AP3B1: variants seen among roughly 807,000 people sequenced by gnomAD.
The protein encoded by AP3B1 is AP-3 complex subunit beta-1.
AP3B1 carries 61 observed loss-of-function variants against 132.5 expected under a neutral mutation model. The observed-to-expected ratio is 0.46, with a 90% CI of 0.37 to 0.57. The LOEUF (loss-of-function observed/expected upper bound fraction) is 0.57. AP3B1 is among the 20% of genes least tolerant of loss of function. The probability of loss-of-function intolerance (pLI) is 0.00; values close to 1 mark genes in which losing one functional copy is unlikely to be tolerated. For missense variants in AP3B1, 1,120 were observed against 1,289.4 expected, an observed-to-expected ratio of 0.87 and a Z score of 2.01; for synonymous variants, 388 against 438.3, an observed-to-expected ratio of 0.89 and a Z score of 1.43.
intron 22 of AP3B1, among the ~76,000 whole-genome samples, chr5:78,049,685 C>T (rs1424801839): frequency 6.6e-6 from 1 of 152,180 alleles, no homozygotes; most frequent in East Asian, 1.9e-4. Context: ...GCCACCACCA[C>T]CTATCATCTG....
At chr5:78,135,100 A>G (rs920832530) in intron 15 of AP3B1, among the ~76,000 whole-genome samples, 1 of 152,192 alleles carries the variant, frequency 6.6e-6, no homozygotes, top group African/African-American at 2.4e-5. Context: ...ATTTCTCCAA[A>G]GACCTGAATC....
intron 1 of AP3B1, among the ~76,000 whole-genome samples, chr5:78,283,821 G>A (rs959470700): frequency 5.6e-5 from 8 of 143,124 alleles, no homozygotes; most frequent in Non-Finnish European, 1.1e-4. Context: ...TGTAGCCAAG[G>A]TGATCTTTTT....
At chr5:78,146,614 T>C (rs1198536022) in intron 14 of AP3B1, among the ~76,000 whole-genome samples, 3 of 152,328 alleles carry the variant, frequency 2.0e-5, no homozygotes, top group Admixed American at 6.5e-5. Context: ...TTTCAACTCA[T>C]ATATATTTTT....
At chr5:78,036,587 TA>T (rs922205831) in intron 23 of AP3B1, among the ~76,000 whole-genome samples, 6 of 151,824 alleles carry the variant, frequency 4.0e-5, no homozygotes, top group Non-Finnish European at 7.4e-5. Flanking sequence ...CTTTGTGTCT[TA>T]AAAAAAACCC....
chr5:78,258,477 A>G lies in AP3B1; in HGVS notation c.204+9043T>C, dbSNP rs1747941624. Among the ~76,000 whole-genome samples the G allele has an allele frequency of 2.0e-5, 3 of 152,342 alleles. 1 individual carries two copies. In the South Asian group the frequency reaches 6.2e-4, roughly 32 times the overall value. On this transcript the variant is annotated intron_variant, in intron 2 of 26. Coordinates refer to ENST00000255194, the MANE Select transcript of AP3B1 (RefSeq NM_003664.5). ...CATCAAAGAAATGCAAATCTAAACT[A>G]TAATGAGTTATCATCTCACCCCAGT...
At chr5:78,051,465 G>C (rs977584065) in intron 22 of AP3B1, among the ~76,000 whole-genome samples, 2 of 151,756 alleles carry the variant, frequency 1.3e-5, no homozygotes, top group Non-Finnish European at 2.9e-5. Flanking sequence ...AACTTCTTTT[G>C]AACATAGCTG....
At chr5:78,173,866 G>A (rs1296839235) in intron 11 of AP3B1, among the ~76,000 whole-genome samples, 4 of 152,044 alleles carry the variant, frequency 2.6e-5, no homozygotes, top group African/African-American at 9.7e-5. Flanking sequence ...TTATTTCTTG[G>A]AGGCTTTGTT....
chr5:78,230,521 C>T (rs150468638), intron 3 of AP3B1, among the ~76,000 whole-genome samples: 1 of 152,274 alleles, frequency 6.6e-6, no homozygotes, highest in East Asian at 1.9e-4. Flanking sequence ...AAATCTAAAG[C>T]TCTTAACCTA....
chr5:78,001,551 G>A (rs1195238155), downstream of AP3B1: 1 of 152,164 alleles, frequency 6.6e-6, no homozygotes, highest in Non-Finnish European at 1.5e-5. Context: ...TTCTGGAGCA[G>A]GAAAATTTAA....
chr5:78,286,597 T>C (rs374324691), intron 1 of AP3B1, among the ~76,000 whole-genome samples: 1 of 152,182 alleles, frequency 6.6e-6, no homozygotes, highest in Non-Finnish European at 1.5e-5. Flanking sequence ...AATAAAATTA[T>C]ATTCTTTAGA....
intron 17 of AP3B1, among the ~76,000 whole-genome samples, chr5:78,119,831 TAC>T (rs1343963405): frequency 6.6e-6 from 1 of 152,058 alleles, no homozygotes; most frequent in Non-Finnish European, 1.5e-5. Flanking sequence ...ATTCAGGAAA[TAC>T]AGAGAACGCC....
At chr5:78,146,952 G>T (rs1230969979) in intron 14 of AP3B1, among the ~76,000 whole-genome samples, 1 of 151,856 alleles carries the variant, frequency 6.6e-6, no homozygotes, top group Non-Finnish European at 1.5e-5. Flanking sequence ...TTGATTTTTT[G>T]AAAATATTCA....
Position 78,015,553 on chromosome 5 carries a change from A to G in AP3B1, c.2993-5T>C. The stretch of plus-strand genomic sequence containing the variant: ...CATTCATTCCTGTTAGCACTCCTGT[A>G]AAAGCAAAAGAAGGCTCCCTTTTAT... On this transcript the variant is annotated splice_region_variant and splice_polypyrimidine_tract_variant and intron_variant, in intron 25 of 26. Transcript: ENST00000255194. The G allele has an allele frequency of 6.2e-7, 1 of 1,613,396 alleles. No individual in the cohort carries two copies. The highest frequency in any genetic ancestry group is 8.5e-7 in the Non-Finnish European group (1 of 1,179,612).
intron 17 of AP3B1, among the ~76,000 whole-genome samples, chr5:78,119,166 C>T (rs1561419828): frequency 6.6e-6 from 1 of 152,214 alleles, no homozygotes; most frequent in Admixed American, 6.5e-5. Flanking sequence ...ACAGAAAGGA[C>T]ATCCACACCA....
intron 7 of AP3B1, among the ~76,000 whole-genome samples, chr5:78,202,522 G>T (rs1162866032): frequency 7.3e-5 from 11 of 150,454 alleles, no homozygotes; most frequent in African/African-American, 2.4e-4. Context: ...TTTTGTGTGT[G>T]TACATACACT....
intron 2 of AP3B1, among the ~76,000 whole-genome samples, chr5:78,251,472 A>G (rs1410590893): frequency 2.6e-5 from 4 of 152,230 alleles, no homozygotes; most frequent in Non-Finnish European, 5.9e-5. Flanking sequence ...CCTTTTCCTC[A>G]GAGTGGTGAC....
intron 1 of AP3B1, among the ~76,000 whole-genome samples, chr5:78,291,408 C>A (rs1749515642): frequency 8.9e-6 from 1 of 112,734 alleles, no homozygotes. Context: ...AGTGTCTCCC[C>A]ACAGATAATT....
At chr5:78,104,082 GTC>G (rs1435636674) in intron 20 of AP3B1, among the ~76,000 whole-genome samples, 5 of 152,116 alleles carry the variant, frequency 3.3e-5, no homozygotes, top group African/African-American at 1.2e-4. Context: ...AGTATGTAAA[GTC>G]TGTCAAAGCC....
chr5:78,070,872 T>A (rs1275740259), intron 22 of AP3B1, among the ~76,000 whole-genome samples: 1 of 152,192 alleles, frequency 6.6e-6, no homozygotes, highest in Admixed American at 6.6e-5. Context: ...TACCATCTCA[T>A]GCCAGTCAGA....
Sources: allele counts gnomAD v4.1 joint callset (sites outside exome capture counted in the v4.1 genomes callset), GRCh38; gene constraint gnomAD v4.1.1; transcripts MANE v1.5; gene names NCBI Gene and HGNC (gene_info 2026-07-23, HGNC 2026-07-21).